NECTIN4: variants seen among roughly 807,000 people sequenced by gnomAD.
NECTIN4 encodes nectin-4.
Under a neutral mutation model 51.7 loss-of-function variants are expected in NECTIN4, and 19 were observed. The observed-to-expected ratio is 0.37, with a 90% CI of 0.26 to 0.54. The LOEUF (loss-of-function observed/expected upper bound fraction) is 0.54. NECTIN4 is among the 20% of genes least tolerant of loss of function. The pLI, the probability that NECTIN4 is intolerant of heterozygous loss-of-function variation, is 0.86. For synonymous variants in NECTIN4, 283 were observed against 286.9 expected (o/e 0.99, Z 0.14); for missense variants, 619 against 662.4 (o/e 0.93, Z 0.72).
intron 1 of NECTIN4, among the ~76,000 whole-genome samples, chr1:161,080,386 C>A (rs1653626825): frequency 6.6e-6 from 1 of 152,174 alleles, no homozygotes; most frequent in Non-Finnish European, 1.5e-5. Flanking sequence ...AGAGGTTCAA[C>A]CCACCAACCG....
intron 1 of NECTIN4, among the ~76,000 whole-genome samples, chr1:161,081,060 G>C (rs1452519895): frequency 6.6e-6 from 1 of 152,148 alleles, no homozygotes; most frequent in Non-Finnish European, 1.5e-5. Flanking sequence ...TCTAAATCAG[G>C]AACCACGGTG....
At position 161,079,647 on chromosome 1, in the gene NECTIN4, G is replaced by T. The variant is rs1448414094; in HGVS notation, c.382C>A (p.Arg128=). 2 of 1,605,580 alleles carry T rather than the reference G, an allele frequency of 1.2e-6. No individual in the cohort carries two copies. The highest frequency in any genetic ancestry group is 1.1e-5 in the South Asian group (1 of 91,034). The change falls in exon 2 of 9, where the codon CGG becomes AGG. Residue 128 remains arginine, a synonymous_variant. Transcript: ENST00000368012. ...VQADEGEYEC[R]VSTFPAGSFQ... Reference sequence around the variant, plus strand: ...CTGCCGGCGGGGAAGGTGCTGACCCGGCACTCGTACTCGCCCTCATCCGCC... The same window carrying T: ...CTGCCGGCGGGGAAGGTGCTGACCCTGCACTCGTACTCGCCCTCATCCGCC...
rs1653186394 is a variant in NECTIN4, at chr1:161,071,988, G to C, written c.*673C>G. The stretch of plus-strand genomic sequence containing the variant: ...TATTTACAGAAAATATGTACATGCA[G>C]CAGGCCCAGAGGCCACCAGAGGGCA... On this transcript the variant is annotated 3_prime_UTR_variant, in exon 9 of 9. Coordinates refer to ENST00000368012, the MANE Select transcript of NECTIN4 (RefSeq NM_030916.3). The C allele has an allele frequency of 6.5e-6, 1 of 154,050 alleles. No individual in the cohort carries two copies. 9.5% of individuals were successfully genotyped at this position (154,050 alleles called of 1,614,324 possible). A position where few individuals can be genotyped will look rare whatever the true frequency, so the allele number is the denominator to read the frequency against.
intron 2 of NECTIN4, among the ~76,000 whole-genome samples, chr1:161,079,151 T>C (rs1215203976): frequency 6.6e-6 from 1 of 152,134 alleles, no homozygotes; most frequent in Non-Finnish European, 1.5e-5. Flanking sequence ...TTGTAAAAAA[T>C]ACCATGGAGC....
intron 1 of NECTIN4, 103 bp from the exon 2 acceptor site, chr1:161,080,052 G>T: frequency 7.0e-7 from 1 of 1,419,960 alleles, no homozygotes; most frequent in Non-Finnish European, 9.4e-7. Context: ...AACTCCTGGA[G>T]CATTTGGGCT....
rs1653424800 is a variant in NECTIN4 at position 161,076,556 on chromosome 1, C to A, written c.731-81G>T. ...ACCTCAAAGGGCCCTGCCCCCACCC[C>A]ACCCTGCCTGAAACACCCTCCCCTT... is the stretch of plus-strand genomic sequence containing the variant. On this transcript the variant is annotated intron_variant, in intron 3 of 8. Coordinates refer to ENST00000368012, the MANE Select transcript of NECTIN4 (RefSeq NM_030916.3). 4 of 1,584,352 alleles carry A rather than the reference C, an allele frequency of 2.5e-6. No individual in the cohort carries two copies. The Admixed American group carries it at 5.0e-5, about 20-fold the overall frequency.
In NECTIN4 at chr1:161,079,756, G is replaced by C; in HGVS notation, c.273C>G (p.Ser91Arg). 6.2e-7 allele frequency: 1 copy of C among 1,611,916 alleles called. No individual in the cohort carries two copies. Among genetic ancestry groups the C allele is most frequent in the Non-Finnish European group, 8.5e-7 (1 of 1,179,958 alleles). The change falls in exon 2 of 9, where the codon AGC becomes AGG. Residue 91 changes from serine to arginine, a missense_variant. Transcript: ENST00000368012. ...LLHSKYGLHV[S>R]PAYEGRVEQP... The stretch of plus-strand genomic sequence containing the variant: ...GCTCCACGCGGCCCTCGTAAGCCGG[G>C]CTCACATGAAGCCCGTATTTGGAGT...
intron 8 of NECTIN4, 106 bp downstream of exon 8, chr1:161,073,119 C>T (rs1653251511): frequency 9.5e-7 from 1 of 1,051,732 alleles, no homozygotes; most frequent in African/African-American, 1.6e-5. Context: ...TGAGCCAGGG[C>T]TAAGGAAAGA....
chr1:161,073,400 C>G (rs974784962), intron 7 of NECTIN4, 101 bp from the exon 8 acceptor site: 1 of 986,206 alleles, frequency 1.0e-6, no homozygotes, highest in Non-Finnish European at 1.6e-6. Flanking sequence ...ACTTGCCTGT[C>G]CCCCAACCCA....
chr1:161,084,214 T>C (rs984975319), intron 1 of NECTIN4, among the ~76,000 whole-genome samples: 3 of 152,160 alleles, frequency 2.0e-5, no homozygotes, highest in African/African-American at 7.2e-5. Flanking sequence ...TCATGTCTTA[T>C]CTTAGGGGCA....
intron 1 of NECTIN4, among the ~76,000 whole-genome samples, chr1:161,085,703 T>TC (rs1182182685): frequency 6.6e-6 from 1 of 150,588 alleles, no homozygotes; most frequent in East Asian, 1.9e-4. Flanking sequence ...TCCTCTTTTT[T>TC]TTTTTTTTTT....
rs116520365 is a variant in NECTIN4, at chr1:161,083,183, A to G, written c.80-3234T>C. On this transcript the variant is annotated intron_variant, in intron 1 of 8. Transcript: ENST00000368012. ...TAAAACAGGAAATTCCCTTCTGGAT[A>G]TCTCCCACAGATCCTCATTGTTCTA... Among the ~76,000 whole-genome samples, 348 of 152,300 alleles carry G rather than the reference A, an allele frequency of 2.3e-3. 1 individual carries two copies. The highest frequency in any genetic ancestry group is 8.0e-3 in the African/African-American group (332 of 41,544).
At chr1:161,082,411 G>A (rs1041432665) in intron 1 of NECTIN4, among the ~76,000 whole-genome samples, 2 of 152,116 alleles carry the variant, frequency 1.3e-5, no homozygotes, top group Admixed American at 6.5e-5. Flanking sequence ...GTGGAGGCAG[G>A]ATAGGCTGGG....
Position 161,072,301 on chromosome 1 carries a change from A to C in NECTIN4, c.*360T>G, listed in dbSNP as rs1571141477. On this transcript the variant is annotated 3_prime_UTR_variant, in exon 9 of 9. Transcript: ENST00000368012. ...CAAACCCTGACAGTGTTGCCCACGC[A>C]ACCACTCAAATCCCGTGGCACATAC... 1 of 390,720 alleles carries C rather than the reference A, an allele frequency of 2.6e-6. No homozygotes were observed. Among genetic ancestry groups the C allele is most frequent in the East Asian group, 6.1e-5 (1 of 16,414 alleles). The allele number at this position is 390,720 out of a possible 1,614,324, so 24.2% of individuals were successfully genotyped here.
intron 2 of NECTIN4, among the ~76,000 whole-genome samples, chr1:161,078,121 A>G (rs995990964): frequency 1.3e-5 from 2 of 152,018 alleles, no homozygotes; most frequent in Non-Finnish European, 2.9e-5. Context: ...TATTATCTCT[A>G]TTTTCCAGAT....
At position 161,089,276 on chromosome 1, in the gene NECTIN4, G is replaced by A. The variant is rs377146825; in HGVS notation, c.21C>T (p.Ala7=). 32 of 1,610,516 alleles carry A rather than the reference G, an allele frequency of 2.0e-5. No homozygotes were observed. Among genetic ancestry groups the A allele is most frequent in the East Asian group, 1.3e-4 (6 of 44,884 alleles). ...GCCAGGCCTCAGGCCCCCACATCTC[G>A]GCTCCCAGGGACAGGGGCATGGTTG... MPLSLG[A]EMWGPEAWLL... The change falls in exon 1 of 9, where the codon GCC becomes GCT. Residue 7 remains alanine (A), a synonymous_variant. Transcript: ENST00000368012. This position sits in a 1 kb window ranked among gnomAD's most constrained non-coding sequence, Gnocchi z 4.1.
rs1653209995 is a variant in NECTIN4, at chr1:161,072,371, C to T, written c.*290G>A. ...TGATATGACAGCATAATACACACCA[C>T]GGACACAGTCACCCCTCCACGGACA... On this transcript the variant is annotated 3_prime_UTR_variant, in exon 9 of 9. Coordinates refer to ENST00000368012, the MANE Select transcript of NECTIN4 (RefSeq NM_030916.3). 1.9e-6 allele frequency: 1 copy of T among 517,108 alleles called. No homozygotes were observed. Among genetic ancestry groups the T allele is most frequent in the South Asian group, 2.0e-5 (1 of 50,008 alleles). 32.0% of individuals were successfully genotyped at this position (517,108 alleles called of 1,614,324 possible).
chr1:161,081,148 T>C (rs902953415), intron 1 of NECTIN4, among the ~76,000 whole-genome samples: 5 of 152,062 alleles, frequency 3.3e-5, no homozygotes. Context: ...ACAGGGTGTG[T>C]GTGTTGAGCA....
In NECTIN4 at chr1:161,071,356, A is replaced by G. The variant is rs1045367765; in HGVS notation, c.*1305T>C. ...CATTCTCACCCCCAGCACCTCCTTCACCTCACCTCAACTCCTACTCTCTCG... is the reference window on the plus strand; with the variant it reads ...CATTCTCACCCCCAGCACCTCCTTCGCCTCACCTCAACTCCTACTCTCTCG... On this transcript the variant is annotated 3_prime_UTR_variant, in exon 9 of 9. Transcript: ENST00000368012. 2.0e-5 allele frequency: 3 copies of G among 151,966 alleles called. No homozygotes were observed. The highest frequency in any genetic ancestry group is 6.6e-5 in the Admixed American group (1 of 15,230). 9.4% of individuals were successfully genotyped at this position (151,966 alleles called of 1,614,324 possible).
Sources: gnomAD v4.1 joint callset for allele counts (sites outside exome capture counted in the v4.1 genomes callset) on GRCh38, gnomAD v4.1.1 for gene constraint, Gnocchi (gnomAD v3.1) non-coding constraint, MANE v1.5 for transcripts, NCBI Gene and HGNC (gene_info 2026-07-23, HGNC 2026-07-21) for gene names.